The following MALRD1 variants were observed in gnomAD, a reference collection of about 807,000 sequenced individuals.
The protein encoded by MALRD1 is MAM and LDL receptor class A domain containing 1, also known as MAM and LDL-receptor class A domain-containing protein 1.
MALRD1 carries 247 observed loss-of-function variants against 242.1 expected under a neutral mutation model. The observed-to-expected ratio is 1.02, with a 90% confidence interval of 0.92 to 1.13. The LOEUF is 1.13. Among genes scored for constraint, MALRD1 ranks in the 50% most tolerant of loss-of-function variants. The pLI is 0.00. For missense variants in MALRD1, 2,989 were observed against 2,533.1 expected, an observed-to-expected ratio of 1.18 and a Z score of -3.86; for synonymous variants, 995 against 866.6, an observed-to-expected ratio of 1.15 and a Z score of -2.60.
rs1249014075 is a variant in MALRD1, at chr10:19,385,184, TG to T, written c.4442-2343del. ...TTTCCATTATTTTGTTGAGGATTTT[TG>T]CATCCATATTTATTAGGGATATTGG... is the stretch of plus-strand genomic sequence containing the variant. On this transcript the variant is annotated intron_variant, in intron 26 of 39. Coordinates refer to ENST00000454679, the MANE Select transcript of MALRD1 (RefSeq NM_001142308.3). Among the ~76,000 whole-genome samples the T allele has an allele frequency of 3.9e-5, 6 of 152,210 alleles. No homozygotes were observed. In the East Asian group the frequency reaches 1.2e-3, roughly 29 times the overall value.
At chr10:19,446,870 G>C (rs1009035105) in intron 28 of MALRD1, among the ~76,000 whole-genome samples, 7 of 152,126 alleles carry the variant, frequency 4.6e-5, no homozygotes, top group Admixed American at 3.9e-4. Flanking sequence ...CAAGGGAAAA[G>C]TCCCTCAGCA....
intron 18 of MALRD1, among the ~76,000 whole-genome samples, chr10:19,244,030 A>G (rs1838927637): frequency 6.6e-6 from 1 of 152,166 alleles, no homozygotes; most frequent in Non-Finnish European, 1.5e-5. Context: ...AATTAGCCAA[A>G]GGAAGCACTT....
intron 18 of MALRD1, among the ~76,000 whole-genome samples, chr10:19,215,962 A>G (rs1366576333): frequency 6.6e-6 from 1 of 151,788 alleles, no homozygotes; most frequent in African/African-American, 2.4e-5. Flanking sequence ...ATGTATCCAC[A>G]GGTAGAGTGC....
At chr10:19,628,522 T>C (rs1327614358) in intron 36 of MALRD1, among the ~76,000 whole-genome samples, 2 of 152,090 alleles carry the variant, frequency 1.3e-5, no homozygotes, top group East Asian at 1.9e-4. Flanking sequence ...ATAATATGTA[T>C]ATTAAGATCC....
At chr10:19,309,749 AC>A (rs112997528) in intron 21 of MALRD1, among the ~76,000 whole-genome samples, 9,250 of 151,608 alleles carry the variant, frequency 0.061, 592 homozygotes, top group African/African-American at 0.16. Context: ...GTGTTAAGTA[AC>A]CTGTGACAGA....
At chr10:19,585,038 G>A (rs1471760248) in intron 33 of MALRD1, among the ~76,000 whole-genome samples, 1 of 144,376 alleles carries the variant, frequency 6.9e-6, no homozygotes, top group African/African-American at 2.6e-5. Flanking sequence ...TCAGAGACTA[G>A]GATTGCAACC....
chr10:19,365,064 T>A (rs1588969975), intron 26 of MALRD1, among the ~76,000 whole-genome samples: 1 of 152,140 alleles, frequency 6.6e-6, no homozygotes, highest in African/African-American at 2.4e-5. Flanking sequence ...CATTTAAAAT[T>A]TTAAAATTGT....
chr10:19,621,920 C>T (rs1839419851), intron 36 of MALRD1, among the ~76,000 whole-genome samples: 2 of 151,912 alleles, frequency 1.3e-5, no homozygotes, highest in Admixed American at 6.6e-5. Flanking sequence ...TCGTGATTGT[C>T]TCCAGAGTTG....
chr10:19,701,505 TG>T (rs1250083848), intron 38 of MALRD1, among the ~76,000 whole-genome samples: 2 of 152,078 alleles, frequency 1.3e-5, no homozygotes, highest in African/African-American at 4.8e-5. Context: ...AAAACTGGGT[TG>T]GGGCGATGGA....
chr10:19,607,420 C>T (rs1405094757), intron 34 of MALRD1, among the ~76,000 whole-genome samples: 1 of 152,070 alleles, frequency 6.6e-6, no homozygotes, highest in African/African-American at 2.4e-5. Context: ...GTCATTGCAT[C>T]CCTGATGTCT....
chr10:19,230,831 A>T (rs1048274279), intron 18 of MALRD1, among the ~76,000 whole-genome samples: 3 of 152,266 alleles, frequency 2.0e-5, no homozygotes, highest in African/African-American at 7.2e-5. Context: ...AGGCAAATGC[A>T]TTAAAAACTT....
chr10:19,717,504 G>A (rs1047756493), intron 38 of MALRD1, among the ~76,000 whole-genome samples: 7 of 152,168 alleles, frequency 4.6e-5, no homozygotes, highest in African/African-American at 1.7e-4. Flanking sequence ...GGCCATCAGT[G>A]TAAATGTCAT....
rs542160503 is a variant in MALRD1 at position 19,533,591 on chromosome 10, G to A, written c.5478+2240G>A. The stretch of plus-strand genomic sequence containing the variant: ...TGCTCAGCTTCTGATGAGGGTTCAA[G>A]AAGCATTCAAGTATGGCGGAATGCA... On this transcript the variant is annotated intron_variant, in intron 32 of 39. Transcript: ENST00000454679. Among the ~76,000 whole-genome samples, 7 of 152,304 alleles carry A rather than the reference G, an allele frequency of 4.6e-5. No homozygotes were observed. In the South Asian group the frequency reaches 1.5e-3, roughly 32 times the overall value.
chr10:19,232,348 T>G (rs11009037), intron 18 of MALRD1, among the ~76,000 whole-genome samples: 11,149 of 151,590 alleles, frequency 0.074, 472 homozygotes, highest in East Asian at 0.17. Context: ...TGTATTTTTT[T>G]TTTTTTTTTA....
rs187051569 is a variant in MALRD1, at chr10:19,204,960, A to G, written c.2273A>G (p.His758Arg). 1.0e-4 allele frequency: 159 copies of G among 1,550,368 alleles called. 1 individual carries two copies. The African/African-American group carries it at 1.5e-3, about 15-fold the overall frequency. Residue 758 changes from histidine (H) to arginine (R), a missense_variant, in exon 17 of 40, where the codon CAT becomes CGT. By Grantham distance (29) the His-to-Arg change is conservative. Transcript: ENST00000454679. ...CTGCAGCTACATATGGAAAATTCTC[A>G]TGACTCAACAGTGATTTGGAGAGTA... ...AELQLHMENS[H>R]DSTVIWRVLY...
At chr10:19,126,001 A>T (rs1450730919) in intron 7 of MALRD1, among the ~76,000 whole-genome samples, 1 of 152,062 alleles carries the variant, frequency 6.6e-6, no homozygotes, top group African/African-American at 2.4e-5. Context: ...AAAATGTTTT[A>T]AAATTGTTCT....
chr10:19,627,106 A>T (rs994134889), intron 36 of MALRD1, among the ~76,000 whole-genome samples: 1 of 152,166 alleles, frequency 6.6e-6, no homozygotes, highest in Non-Finnish European at 1.5e-5. Flanking sequence ...AGAATGGATG[A>T]GTTGGAATAT....
chr10:19,134,015 G>T, intron 9 of MALRD1, 67 bp downstream of exon 9: 1 of 708,422 alleles, frequency 1.4e-6, no homozygotes, highest in South Asian at 7.4e-5. Flanking sequence ...GTAATAAATT[G>T]ACCATGCACT....
intron 30 of MALRD1, among the ~76,000 whole-genome samples, chr10:19,493,632 A>AC (rs1837586155): frequency 6.8e-6 from 1 of 147,030 alleles, no homozygotes; most frequent in South Asian, 2.1e-4. Flanking sequence ...ACATGGTGAA[A>AC]CCCCGTCTCT....
Sources: allele counts gnomAD v4.1 joint callset (sites outside exome capture counted in the v4.1 genomes callset), GRCh38; gene constraint gnomAD v4.1.1; transcripts MANE v1.5; gene names NCBI Gene and HGNC (gene_info 2026-07-23, HGNC 2026-07-21).